The following CBLB variants were observed in gnomAD, a reference collection of about 807,000 sequenced individuals.
CBLB encodes E3 ubiquitin-protein ligase CBL-B.
Under a neutral mutation model 104.9 loss-of-function variants are expected in CBLB, and 31 were observed. That is an observed-to-expected ratio of 0.30 (90% CI 0.22 to 0.40). The LOEUF is 0.40. CBLB is among the 10% of genes least tolerant of loss of function. CBLB has a pLI of 1.00. For missense variants in CBLB, 1,062 were observed against 1,214.6 expected, an observed-to-expected ratio of 0.87 and a Z score of 1.87; for synonymous variants, 440 against 422.6, an observed-to-expected ratio of 1.04 and a Z score of -0.51.
chr3:105,853,258 C>A (rs2153121213), intron 3 of CBLB, among the ~76,000 whole-genome samples, 156 bp downstream of exon 3: 1 of 152,280 alleles, frequency 6.6e-6, no homozygotes, highest in Admixed American at 6.5e-5. Flanking sequence ...AAATGCATTT[C>A]TTGTAAAGTA....
intron 5 of CBLB, among the ~76,000 whole-genome samples, chr3:105,750,004 T>C (rs1308782357): frequency 1.3e-5 from 2 of 150,954 alleles, no homozygotes; most frequent in Admixed American, 1.3e-4. Context: ...TGTAATGAAG[T>C]GAAATATATC....
At chr3:105,726,000 C>T (rs765376743) in intron 9 of CBLB, among the ~76,000 whole-genome samples, 3 of 152,014 alleles carry the variant, frequency 2.0e-5, no homozygotes, top group Non-Finnish European at 2.9e-5. Flanking sequence ...TACAGGCTCC[C>T]GCCACCACGC....
intron 3 of CBLB, among the ~76,000 whole-genome samples, chr3:105,848,206 C>T (rs1284150298): frequency 6.6e-6 from 1 of 151,948 alleles, no homozygotes; most frequent in East Asian, 1.9e-4. Context: ...GCAACAACAA[C>T]AATTTGGGAA....
At chr3:105,866,698 C>T (rs1055310177) in intron 2 of CBLB, among the ~76,000 whole-genome samples, 1 of 152,150 alleles carries the variant, frequency 6.6e-6, no homozygotes, top group Non-Finnish European at 1.5e-5. Context: ...GATACTGACA[C>T]CCATCATGAT....
chr3:105,822,254 T>C (rs2085974614), intron 3 of CBLB, among the ~76,000 whole-genome samples: 1 of 152,144 alleles, frequency 6.6e-6, no homozygotes, highest in Admixed American at 6.5e-5. Context: ...GCAAGAGGCA[T>C]AGAAAAGCTG....
intron 5 of CBLB, among the ~76,000 whole-genome samples, chr3:105,746,318 G>A (rs773831330): frequency 1.7e-4 from 26 of 152,264 alleles, no homozygotes; most frequent in South Asian, 1.7e-3. Flanking sequence ...GCCTATTCTC[G>A]CTACGGCACT....
rs554694198 is a variant in CBLB, at chr3:105,744,621, T to C, written c.845+1296A>G. Among the ~76,000 whole-genome samples, 3 of 152,088 alleles carry C rather than the reference T, an allele frequency of 2.0e-5. No homozygotes were observed. The East Asian group carries it at 5.8e-4, about 29-fold the overall frequency. On this transcript the variant is annotated intron_variant, in intron 6 of 18. Coordinates refer to ENST00000394030, the MANE Select transcript of CBLB (RefSeq NM_170662.5). Reference sequence around the variant, plus strand: ...GCAGAGAAGAAAAAATCAGCACTATTGGCTTGCACTTAAAAAAAAAACTGT... The same window carrying C: ...GCAGAGAAGAAAAAATCAGCACTATCGGCTTGCACTTAAAAAAAAAACTGT...
intron 3 of CBLB, among the ~76,000 whole-genome samples, chr3:105,839,638 T>C (rs1217848458): frequency 2.0e-5 from 3 of 152,262 alleles, no homozygotes; most frequent in Non-Finnish European, 4.4e-5. Flanking sequence ...GCAGGCCAGA[T>C]AGTCTCTATG....
chr3:105,770,687 G>A (rs1042240879), intron 4 of CBLB, among the ~76,000 whole-genome samples: 2 of 152,180 alleles, frequency 1.3e-5, no homozygotes, highest in African/African-American at 4.8e-5. Flanking sequence ...GGAAGACGAA[G>A]AGGGGCATGG....
intron 4 of CBLB, among the ~76,000 whole-genome samples, chr3:105,760,768 C>G (rs971672297): frequency 2.6e-5 from 4 of 152,074 alleles, no homozygotes; most frequent in African/African-American, 9.7e-5. Context: ...TTCTAAAACC[C>G]TGAAAGAAAA....
intron 14 of CBLB, among the ~76,000 whole-genome samples, chr3:105,684,403 C>T (rs1175393692): frequency 6.6e-6 from 1 of 152,122 alleles, no homozygotes; most frequent in Non-Finnish European, 1.5e-5. Context: ...CATGCCTTTA[C>T]TTAAAGATAA....
intron 3 of CBLB, among the ~76,000 whole-genome samples, chr3:105,780,666 T>TTTTG (rs2080124674): frequency 2.4e-5 from 3 of 122,776 alleles, no homozygotes; most frequent in African/African-American, 9.0e-5. Context: ...TTTTGTTTTT[T>TTTTG]TTTTTTTTTT....
In CBLB at chr3:105,659,193, C is replaced by T. The variant is rs371406651; in HGVS notation, c.2726G>A (p.Arg909Gln). The T allele has an allele frequency of 3.4e-5, 55 of 1,613,682 alleles. No individual in the cohort carries two copies. The highest frequency in any genetic ancestry group is 3.3e-4 in the Middle Eastern group (2 of 6,076). The change falls in exon 19 of 19, where the codon CGA becomes CAA. Residue 909 changes from arginine (R) to glutamine (Q), a missense_variant. By Grantham distance (43) the Arg-to-Gln change is conservative. Transcript: ENST00000394030. ...AATTTCTGGTGCAGTCCTGCGCGGT[C>T]GTGGTTTAGGGGGTCTGGCTGGTGC... is the stretch of plus-strand genomic sequence containing the variant. ...SQAPARPPKP[R>Q]PRRTAPEIHH...
At chr3:105,744,890 A>G (rs1442555917) in intron 6 of CBLB, among the ~76,000 whole-genome samples, 1 of 152,228 alleles carries the variant, frequency 6.6e-6, no homozygotes, top group Non-Finnish European at 1.5e-5. Context: ...AGATTGTGCC[A>G]TTGCACTCCA....
intron 3 of CBLB, among the ~76,000 whole-genome samples, chr3:105,839,637 A>G (rs1016527682): frequency 6.6e-6 from 1 of 152,264 alleles, no homozygotes; most frequent in Non-Finnish European, 1.5e-5. Context: ...TGCAGGCCAG[A>G]TAGTCTCTAT....
At chr3:105,776,742 C>T (rs910044285) in intron 3 of CBLB, among the ~76,000 whole-genome samples, 200 bp from the exon 4 acceptor site, 6 of 151,896 alleles carry the variant, frequency 4.0e-5, no homozygotes, top group Non-Finnish European at 8.8e-5. Flanking sequence ...CCTAACAAAG[C>T]TGTCAACTTA....
chr3:105,770,871 T>A (rs2078797099), intron 4 of CBLB, among the ~76,000 whole-genome samples: 1 of 152,048 alleles, frequency 6.6e-6, no homozygotes, highest in Non-Finnish European at 1.5e-5. Context: ...TGCCACCCAA[T>A]AACAATAACA....
intron 3 of CBLB, among the ~76,000 whole-genome samples, chr3:105,783,248 A>C (rs2080512928): frequency 6.6e-6 from 1 of 150,644 alleles, no homozygotes; most frequent in South Asian, 2.1e-4. Flanking sequence ...AAAAATACAT[A>C]AGACATGTAG....
intron 3 of CBLB, among the ~76,000 whole-genome samples, chr3:105,826,743 T>A (rs981051362): frequency 6.6e-6 from 1 of 152,152 alleles, no homozygotes; most frequent in Non-Finnish European, 1.5e-5. Flanking sequence ...AAAGCAATGA[T>A]ACACATGATG....
Sources: gnomAD v4.1 joint callset for allele counts (sites outside exome capture counted in the v4.1 genomes callset) on GRCh38, gnomAD v4.1.1 for gene constraint, MANE v1.5 for transcripts, NCBI Gene and HGNC (gene_info 2026-07-23, HGNC 2026-07-21) for gene names.